The following FOLR1 variants were observed in gnomAD, a reference collection of about 807,000 sequenced individuals.
FOLR1 encodes KB cells FBP.
Under a neutral mutation model 22.8 loss-of-function variants are expected in FOLR1, and 11 were observed. The observed-to-expected ratio is 0.48, with a 90% CI of 0.30 to 0.80. FOLR1 has a LOEUF of 0.80. Among genes scored for constraint, FOLR1 ranks in the 30% least tolerant of loss-of-function variants. The probability of loss-of-function intolerance (pLI) is 0.06; values close to 1 mark genes in which losing one functional copy is unlikely to be tolerated. For synonymous variants in FOLR1, 108 were observed against 116.5 expected (o/e 0.93, Z 0.47); for missense variants, 273 against 320.3 (o/e 0.85, Z 1.13).
Position 72,195,423 on chromosome 11 carries a change from C to A in FOLR1, c.321C>A (p.Tyr107Ter), listed in dbSNP as rs145674759. The stretch of plus-strand genomic sequence containing the variant: ...ATTTCATCCAGGACACCTGCCTCTA[C>A]GAGTGCTCCCCCAACTTGGGGCCCT... ...KRHFIQDTCL[Y>*]ECSPNLGPWI... The change falls in exon 2 of 4, where the codon TAC becomes TAA. Residue 107 changes from tyrosine (Y) to a stop codon, truncating the protein, a stop_gained. Coordinates refer to ENST00000393676, the MANE Select transcript of FOLR1 (RefSeq NM_016729.3). LOFTEE classifies it high-confidence loss of function. The A allele has an allele frequency of 1.2e-5, 20 of 1,614,136 alleles. No individual in the cohort carries two copies. Among genetic ancestry groups the A allele is most frequent in the Non-Finnish European group, 1.7e-5 (20 of 1,180,048 alleles).
chr11:72,189,839 G>A (rs1399770805), upstream of FOLR1: 1 of 152,342 alleles, frequency 6.6e-6, no homozygotes, highest in Non-Finnish European at 1.5e-5. Flanking sequence ...TTTCTGAACT[G>A]GAAGGGCCCT....
At chr11:72,195,028 C>T (rs1948208064) in intron 1 of FOLR1, among the ~76,000 whole-genome samples, 1 of 152,194 alleles carries the variant, frequency 6.6e-6, no homozygotes, top group South Asian at 2.1e-4. Flanking sequence ...TAAGTAGGAT[C>T]TCAATAAAGG....
intron 1 of FOLR1, 69 bp from the exon 2 acceptor site, chr11:72,195,202 C>T: frequency 7.0e-7 from 1 of 1,421,552 alleles, no homozygotes; most frequent in Non-Finnish European, 9.9e-7. Context: ...GGAGACACTG[C>T]ATGTGGAATA....
chr11:72,192,718 T>C (rs1948172750), intron 1 of FOLR1, among the ~76,000 whole-genome samples: 1 of 151,966 alleles, frequency 6.6e-6, no homozygotes. Context: ...CCTAAACAGC[T>C]CAAGAAGGGA....
chr11:72,193,388 G>A lies in FOLR1; in HGVS notation c.168+1047G>A, dbSNP rs117018032. Among the ~76,000 whole-genome samples the A allele has an allele frequency of 2.1e-3, 318 of 150,814 alleles. 6 individuals carry two copies. In the East Asian group the frequency reaches 0.04, roughly 19 times the overall value. ...GAAGGAAGGGGAGGAAGGAAAGGGA[G>A]GGAGGAAAGGGAGGGAGGAAAGGGA... On this transcript the variant is annotated intron_variant, in intron 1 of 3. Transcript: ENST00000393676.
rs1803570 is a variant in FOLR1, at chr11:72,196,199, C to A, written c.*22C>A. Reference sequence around the variant, plus strand: ...CTGACCTCCTTTTACCTTCTGATACCTGGAAATCCCTGCCCTGTTCAGCCC... The same window carrying A: ...CTGACCTCCTTTTACCTTCTGATACATGGAAATCCCTGCCCTGTTCAGCCC... On this transcript the variant is annotated 3_prime_UTR_variant, in exon 4 of 4. Coordinates refer to ENST00000393676, the MANE Select transcript of FOLR1 (RefSeq NM_016729.3). 1 of 1,613,808 alleles carries A rather than the reference C, an allele frequency of 6.2e-7. No homozygotes were observed. The highest frequency in any genetic ancestry group is 8.5e-7 in the Non-Finnish European group (1 of 1,179,722).
rs758857268 is a variant in FOLR1 at position 72,195,914 on chromosome 11, G to T, written c.511G>T (p.Val171Leu). Residue 171 changes from valine to leucine, a missense_variant, in exon 4 of 4, where the codon GTG becomes TTG. Val to Leu is a conservative substitution (Grantham distance 32, BLOSUM62 1). Transcript: ENST00000393676. The part of the protein sequence containing the change: ...NWTSGFNKCA[V>L]GAACQPFHFY... ...CTCTACAGGGTTTAACAAGTGCGCA[G>T]TGGGAGCTGCCTGCCAACCTTTCCA... is the stretch of plus-strand genomic sequence containing the variant. 1 of 1,614,258 alleles carries T rather than the reference G, an allele frequency of 6.2e-7. No individual in the cohort carries two copies. Among genetic ancestry groups the T allele is most frequent in the Non-Finnish European group, 8.5e-7 (1 of 1,180,054 alleles).
Position 72,196,107 on chromosome 11 carries a change from G to C in FOLR1, c.704G>C (p.Gly235Ala), listed in dbSNP as rs1565365988. ...AGGTTCTATGCTGCAGCCATGAGTGGGGCTGGGCCCTGGGCAGCCTGGCCT... is the reference window on the plus strand; with the variant it reads ...AGGTTCTATGCTGCAGCCATGAGTGCGGCTGGGCCCTGGGCAGCCTGGCCT... ...VARFYAAAMS[G>A]AGPWAAWPFL... is the part of the protein sequence containing the mutation. The change falls in exon 4 of 4, where the codon GGG becomes GCG. Residue 235 changes from glycine (G) to alanine (A), a missense_variant. Coordinates refer to ENST00000393676, the MANE Select transcript of FOLR1 (RefSeq NM_016729.3). 1.2e-6 allele frequency: 2 copies of C among 1,614,202 alleles called. No homozygotes were observed. The highest frequency in any genetic ancestry group is 2.7e-5 in the African/African-American group (2 of 75,050).
chr11:72,191,723 TGA>T (rs1948159749), upstream of FOLR1, among the ~76,000 whole-genome samples: 1 of 152,230 alleles, frequency 6.6e-6, no homozygotes, highest in Non-Finnish European at 1.5e-5. Context: ...AAAATTAATG[TGA>T]GTTTATGTAT....
chr11:72,195,993 A>G lies in FOLR1; in HGVS notation c.590A>G (p.Tyr197Cys), dbSNP rs1165021874. ...TGCAATGAAATCTGGACTCACTCCT[A>G]CAAGGTCAGCAACTACAGCCGAGGG... ...VLCNEIWTHS[Y>C]KVSNYSRGSG... The change falls in exon 4 of 4, where the codon TAC becomes TGC. Residue 197 changes from tyrosine (Y) to cysteine (C), a missense_variant. Physicochemically the swap from Tyr to Cys is radical, Grantham distance 194. Transcript: ENST00000393676. 6.2e-7 allele frequency: 1 copy of G among 1,614,050 alleles called. No individual in the cohort carries two copies. The highest frequency in any genetic ancestry group is 1.3e-5 in the African/African-American group (1 of 74,920).
chr11:72,192,320 C>T lies in FOLR1; in HGVS notation c.147C>T (p.Pro49=), dbSNP rs758121091. 10 of 1,613,920 alleles carry T rather than the reference C, an allele frequency of 6.2e-6. No homozygotes were observed. Among genetic ancestry groups the T allele is most frequent in the East Asian group, 2.2e-5 (1 of 44,892 alleles). ...AGCACCACAAGGAAAAGCCAGGCCC[C>T]GAGGACAAGTTGCATGAGCAGGTGG... ...NAKHHKEKPG[P]EDKLHEQCRP... Residue 49 remains proline (P), a synonymous_variant, in exon 1 of 4, where the codon CCC becomes CCT. Transcript: ENST00000393676.
At chr11:72,194,155 G>A (rs570821974) in intron 1 of FOLR1, among the ~76,000 whole-genome samples, 34 of 152,266 alleles carry the variant, frequency 2.2e-4, no homozygotes, top group African/African-American at 7.9e-4. Context: ...AGGCACACAG[G>A]AGCATAGTTT....
intron 1 of FOLR1, among the ~76,000 whole-genome samples, chr11:72,194,597 C>T (rs34116110): frequency 0.01 from 1,543 of 152,274 alleles, 9 homozygotes; most frequent in Middle Eastern, 0.054. Context: ...GACGGGGTTT[C>T]ACCATGTTGG....
Position 72,195,962 on chromosome 11 carries a change from G to T in FOLR1, c.559G>T (p.Val187Phe). ...PFHFYFPTPT[V>F]LCNEIWTHSY... ...CCATTTCTACTTCCCCACACCCACT[G>T]TTCTGTGCAATGAAATCTGGACTCA... The change falls in exon 4 of 4, where the codon GTT becomes TTT. Residue 187 changes from valine to phenylalanine, a missense_variant. Transcript: ENST00000393676. 6.2e-7 allele frequency: 1 copy of T among 1,614,208 alleles called. No individual in the cohort carries two copies. The highest frequency in any genetic ancestry group is 8.5e-7 in the Non-Finnish European group (1 of 1,180,040).
At chr11:72,191,854 C>T (rs1948160629), upstream of FOLR1, among the ~76,000 whole-genome samples, 1 of 152,094 alleles carries the variant, frequency 6.6e-6, no homozygotes, top group African/African-American at 2.4e-5. Context: ...AAAATTTTAA[C>T]CCTGAAACAT....
upstream of FOLR1, chr11:72,191,926 C>T: frequency 1.9e-6 from 1 of 518,840 alleles, no homozygotes; most frequent in Non-Finnish European, 3.5e-6. Flanking sequence ...TGCCCAAATC[C>T]ATCCTTGAAT....
Position 72,195,346 on chromosome 11 carries a change from T to C in FOLR1, c.244T>C (p.Tyr82His), listed in dbSNP as rs950917027. 2.5e-6 allele frequency: 4 copies of C among 1,613,950 alleles called. No homozygotes were observed. The highest frequency in any genetic ancestry group is 3.4e-6 in the Non-Finnish European group (4 of 1,180,032). ...QEAHKDVSYLYRFNWNHCGEM... is the reference protein window; with the variant it reads ...QEAHKDVSYLHRFNWNHCGEM... Reference sequence around the variant, plus strand: ...AGCCCATAAGGATGTTTCCTACCTATATAGATTCAACTGGAACCACTGTGG... The same window carrying C: ...AGCCCATAAGGATGTTTCCTACCTACATAGATTCAACTGGAACCACTGTGG... The change falls in exon 2 of 4, where the codon TAT becomes CAT. Residue 82 changes from tyrosine to histidine, a missense_variant. Tyr to His is a moderately conservative substitution (Grantham distance 83). Coordinates refer to ENST00000393676, the MANE Select transcript of FOLR1 (RefSeq NM_016729.3).
At chr11:72,192,381 C>T (rs1174127365) in intron 1 of FOLR1, 40 bp downstream of exon 1, 1 of 1,609,690 alleles carries the variant, frequency 6.2e-7, no homozygotes, top group South Asian at 1.1e-5. Context: ...GGGACTGGCT[C>T]AGGAAGAGGA....
rs1555068629 is a variant in FOLR1, at chr11:72,192,205, TC to T, written c.34del (p.Leu12PhefsTer2). MAQRMTTQLL[L>X]LLVWVAVVGE... ...CAGCGGATGACAACACAGCTGCTGC[TC>T]CTTCTAGTGTGGGTGGCTGTAGTAG... On this transcript the variant is annotated frameshift_variant, in exon 1 of 4. Coordinates refer to ENST00000393676, the MANE Select transcript of FOLR1 (RefSeq NM_016729.3). LOFTEE classifies it high-confidence loss of function. 6.2e-6 allele frequency: 10 copies of T among 1,614,168 alleles called. No homozygotes were observed. The highest frequency in any genetic ancestry group is 8.5e-6 in the Non-Finnish European group (10 of 1,180,032).
Sources: gnomAD v4.1 joint callset for allele counts (sites outside exome capture counted in the v4.1 genomes callset) on GRCh38, gnomAD v4.1.1 for gene constraint, MANE v1.5 for transcripts, NCBI Gene and HGNC (gene_info 2026-07-23, HGNC 2026-07-21) for gene names.